The following KAZN variants were observed in gnomAD, a reference collection of about 807,000 sequenced individuals.
KAZN encodes the protein kazrin, periplakin interacting protein.
KAZN carries 40 observed loss-of-function variants against 87.4 expected under a neutral mutation model. The ratio of observed to expected loss-of-function variants is 0.46; its 90% confidence interval spans 0.36 to 0.60. KAZN has a LOEUF of 0.60. Among genes scored for constraint, KAZN ranks in the 20% least tolerant of loss-of-function variants. KAZN has a pLI of 0.00. For missense variants in KAZN, 898 were observed against 1,073.9 expected (o/e 0.84, Z 2.29); for synonymous variants, 466 against 458.3 (o/e 1.02, Z -0.22).
intron 2 of KAZN, among the ~76,000 whole-genome samples, chr1:14,493,114 G>A (rs1004277804): frequency 2.0e-5 from 3 of 152,122 alleles, no homozygotes; most frequent in Non-Finnish European, 4.4e-5. Flanking sequence ...CTAGGAAGGC[G>A]TGCCCCTCCC....
At chr1:14,292,830 C>G (rs1450427082) in intron 2 of KAZN, among the ~76,000 whole-genome samples, 1 of 152,184 alleles carries the variant, frequency 6.6e-6, no homozygotes, top group African/African-American at 2.4e-5. Flanking sequence ...TCCTCCAACC[C>G]CCTGAAGCTG....
chr1:14,589,355 G>A (rs1197868298), intron 2 of KAZN, among the ~76,000 whole-genome samples: 1 of 151,002 alleles, frequency 6.6e-6, no homozygotes, highest in East Asian at 1.9e-4. Flanking sequence ...AGGGAGGGGG[G>A]GCAGTCAATT....
chr1:13,948,733 C>T (rs756474449), intron 1 of KAZN, among the ~76,000 whole-genome samples: 16 of 152,100 alleles, frequency 1.1e-4, no homozygotes, highest in Non-Finnish European at 1.6e-4. Flanking sequence ...TGCAATGATG[C>T]TCAGTCCACC....
intron 1 of KAZN, among the ~76,000 whole-genome samples, chr1:14,796,081 G>A (rs114265146): frequency 2.0e-4 from 30 of 152,238 alleles, no homozygotes; most frequent in Non-Finnish European, 3.1e-4. Context: ...GCCCCACTTC[G>A]CCTCTCTTCC....
intron 2 of KAZN, among the ~76,000 whole-genome samples, chr1:14,311,983 A>G (rs1176993014): frequency 2.0e-5 from 3 of 152,158 alleles, no homozygotes; most frequent in African/African-American, 7.2e-5. Flanking sequence ...GAGAATTCTT[A>G]CTGGATATGG....
chr1:14,069,337 T>C (rs1371856207), intron 1 of KAZN, among the ~76,000 whole-genome samples: 4 of 152,216 alleles, frequency 2.6e-5, no homozygotes, highest in African/African-American at 4.8e-5. Flanking sequence ...GTGCTCATTC[T>C]GGAATGACAC....
At chr1:14,505,472 G>T (rs573380930) in intron 2 of KAZN, among the ~76,000 whole-genome samples, 175 of 152,170 alleles carry the variant, frequency 1.2e-3, no homozygotes, top group Non-Finnish European at 2.1e-3. Flanking sequence ...ATGCTCGAAA[G>T]TTCACTAGGG....
chr1:14,235,618 A>G (rs553459897), intron 2 of KAZN, among the ~76,000 whole-genome samples: 1 of 152,344 alleles, frequency 6.6e-6, no homozygotes, highest in African/African-American at 2.4e-5. Flanking sequence ...CGTGAATTAT[A>G]TCTCAATAAA....
At chr1:14,032,369 C>G (rs913506447) in intron 1 of KAZN, among the ~76,000 whole-genome samples, 1 of 152,182 alleles carries the variant, frequency 6.6e-6, no homozygotes, top group Non-Finnish European at 1.5e-5. Flanking sequence ...ATTACTTGCT[C>G]CAGGTCACAT....
At chr1:14,176,504 C>T (rs1646078651) in intron 1 of KAZN, among the ~76,000 whole-genome samples, 1 of 152,206 alleles carries the variant, frequency 6.6e-6, no homozygotes, top group Non-Finnish European at 1.5e-5. Flanking sequence ...CCAAATCTGT[C>T]TGGGTGTTTC....
intron 1 of KAZN, among the ~76,000 whole-genome samples, chr1:13,939,868 G>GT (rs1640867085): frequency 6.6e-6 from 1 of 152,090 alleles, no homozygotes; most frequent in Admixed American, 6.5e-5. Flanking sequence ...GAGCAAGAGG[G>GT]TGGTGGGGGA....
chr1:14,669,985 A>G (rs1639817080), intron 1 of KAZN, among the ~76,000 whole-genome samples: 1 of 152,152 alleles, frequency 6.6e-6, no homozygotes. Context: ...GTCATCTTTA[A>G]AAGAGAACAG....
At chr1:14,025,628 T>A (rs4661466) in intron 1 of KAZN, among the ~76,000 whole-genome samples, 144,079 of 152,280 alleles carry the variant, frequency 0.95, 68,402 homozygotes, top group African/African-American at 0.97. Context: ...CCATGATGGA[T>A]ATACGTTATA....
chr1:14,342,988 A>C (rs1398840420), intron 2 of KAZN, among the ~76,000 whole-genome samples: 1 of 152,050 alleles, frequency 6.6e-6, no homozygotes, highest in East Asian at 1.9e-4. Flanking sequence ...TAAAAATATA[A>C]AAATTAGCCT....
chr1:14,901,317 C>T (rs1174887883), intron 1 of KAZN, among the ~76,000 whole-genome samples: 1 of 152,108 alleles, frequency 6.6e-6, no homozygotes, highest in Non-Finnish European at 1.5e-5. Context: ...TACGGGATAA[C>T]AAGAAGCCCA....
intron 2 of KAZN, among the ~76,000 whole-genome samples, chr1:14,197,370 A>T (rs1570991188): frequency 5.1e-5 from 1 of 19,778 alleles, no homozygotes; most frequent in Non-Finnish European, 1.1e-4. Flanking sequence ...CTTTTAAATT[A>T]AAAAAAAAGT....
At chr1:14,395,122 A>G (rs1222718375) in intron 2 of KAZN, among the ~76,000 whole-genome samples, 2 of 152,112 alleles carry the variant, frequency 1.3e-5, no homozygotes, top group Non-Finnish European at 1.5e-5. Flanking sequence ...AGAAGGAAGG[A>G]GAGGAGAGAG....
intron 2 of KAZN, among the ~76,000 whole-genome samples, chr1:14,213,291 T>G (rs1421150129): frequency 1.3e-5 from 2 of 152,184 alleles, no homozygotes; most frequent in African/African-American, 2.4e-5. Flanking sequence ...GCAGAGTCCT[T>G]CTCTCGTGCT....
chr1:14,110,629 C>G (rs778444050), intron 1 of KAZN, among the ~76,000 whole-genome samples: 1 of 77,994 alleles, frequency 1.3e-5, no homozygotes, highest in Non-Finnish European at 2.6e-5. Context: ...TCTCAAGAAA[C>G]TTTTCTCCTT....
Sources: gnomAD v4.1 joint callset for allele counts (sites outside exome capture counted in the v4.1 genomes callset) on GRCh38, gnomAD v4.1.1 for gene constraint, MANE v1.5 for transcripts, NCBI Gene and HGNC (gene_info 2026-07-23, HGNC 2026-07-21) for gene names.